Variants in TRPM6 observed in about 807,000 individuals in gnomAD.
TRPM6 encodes transient receptor potential cation channel subfamily M member 6.
Under a neutral mutation model 247.6 loss-of-function variants are expected in TRPM6, and 111 were observed. The observed-to-expected ratio is 0.45, with a 90% CI of 0.38 to 0.52. The LOEUF (loss-of-function observed/expected upper bound fraction) is 0.52, where lower values mean the gene tolerates loss of function less well. Among genes scored for constraint, TRPM6 ranks in the 20% least tolerant of loss-of-function variants. The pLI, the probability that TRPM6 is intolerant of heterozygous loss-of-function variation, is 0.00. For missense variants in TRPM6, 2,126 were observed against 2,421.5 expected, an observed-to-expected ratio of 0.88 and a Z score of 2.56; for synonymous variants, 892 against 853.8, an observed-to-expected ratio of 1.04 and a Z score of -0.78.
chr9:74,800,062 C>T (rs909917706), intron 17 of TRPM6, 192 bp downstream of exon 17: 4 of 623,886 alleles, frequency 6.4e-6, no homozygotes, highest in Non-Finnish European at 1.1e-5. Flanking sequence ...CGACCATCCC[C>T]GATAGAGGAA....
chr9:74,811,600 A>C (rs1828731180), intron 12 of TRPM6, among the ~76,000 whole-genome samples: 1 of 152,232 alleles, frequency 6.6e-6, no homozygotes, highest in Non-Finnish European at 1.5e-5. Flanking sequence ...AACTCAATAA[A>C]AGGTAATTTG....
At chr9:74,727,524 C>T (rs1825372814) in intron 38 of TRPM6, among the ~76,000 whole-genome samples, 1 of 151,890 alleles carries the variant, frequency 6.6e-6, no homozygotes, top group Admixed American at 6.6e-5. Context: ...AGAAGAGCTA[C>T]TCAGCTTAAG....
At chr9:74,839,066 C>T (rs531953178) in intron 5 of TRPM6, among the ~76,000 whole-genome samples, 11 of 147,252 alleles carry the variant, frequency 7.5e-5, no homozygotes, top group Admixed American at 2.1e-4. Flanking sequence ...GCCAAGACTG[C>T]ACCATTGCAC....
At chr9:74,817,749 G>GA (rs374589533) in intron 9 of TRPM6, among the ~76,000 whole-genome samples, 1 of 148,592 alleles carries the variant, frequency 6.7e-6, no homozygotes, top group African/African-American at 2.5e-5. Flanking sequence ...AAGGGGGGGG[G>GA]AGTCACCTGT....
chr9:74,872,119 C>T (rs1457257549), intron 1 of TRPM6, among the ~76,000 whole-genome samples: 1 of 151,898 alleles, frequency 6.6e-6, no homozygotes, highest in Non-Finnish European at 1.5e-5. Flanking sequence ...TCCTAAAGTG[C>T]TAGGATTACA....
intron 1 of TRPM6, among the ~76,000 whole-genome samples, chr9:74,872,467 G>A (rs1831055453): frequency 6.6e-6 from 1 of 151,716 alleles, no homozygotes; most frequent in East Asian, 2.0e-4. Flanking sequence ...TCTCATTCCT[G>A]TGCCCAAGCT....
intron 14 of TRPM6, among the ~76,000 whole-genome samples, chr9:74,806,921 A>C (rs949551344): frequency 6.6e-6 from 1 of 152,208 alleles, no homozygotes; most frequent in Non-Finnish European, 1.5e-5. Flanking sequence ...ATTTAAAGAA[A>C]GGGCACTAAG....
intron 7 of TRPM6, among the ~76,000 whole-genome samples, chr9:74,824,437 C>T (rs1829254796): frequency 7.1e-6 from 1 of 140,690 alleles, no homozygotes; most frequent in African/African-American, 2.6e-5. Context: ...CAGGGGTGAG[C>T]CACCACACCT....
At chr9:74,843,943 G>A (rs1442648836) in intron 3 of TRPM6, among the ~76,000 whole-genome samples, 1 of 152,040 alleles carries the variant, frequency 6.6e-6, no homozygotes, top group Non-Finnish European at 1.5e-5. Flanking sequence ...TTCCATAAGA[G>A]CTCTTGGGTG....
chr9:74,768,632 A>T (rs2118869954), intron 25 of TRPM6, among the ~76,000 whole-genome samples: 1 of 152,284 alleles, frequency 6.6e-6, no homozygotes, highest in African/African-American at 2.4e-5. Context: ...TTAGCTCCAC[A>T]TCTGATCCTT....
Position 74,782,480 on chromosome 9 carries a change from C to A in TRPM6, c.3095-4G>T, listed in dbSNP as rs2118926550. 2 of 1,607,330 alleles carry A rather than the reference C, an allele frequency of 1.2e-6. No homozygotes were observed. The highest frequency in any genetic ancestry group is 1.1e-5 in the South Asian group (1 of 90,818). On this transcript the variant is annotated splice_polypyrimidine_tract_variant and splice_region_variant and intron_variant, in intron 22 of 38. Coordinates refer to ENST00000360774, the MANE Select transcript of TRPM6 (RefSeq NM_017662.5). ...CAGGATGGCTGGCTTGAACAAACTA[C>A]AAATAAAGAATTTTAAAAGAATGAA...
intron 23 of TRPM6, among the ~76,000 whole-genome samples, chr9:74,780,165 C>T (rs1403660404): frequency 7.8e-6 from 1 of 128,336 alleles, no homozygotes; most frequent in Non-Finnish European, 1.7e-5. Flanking sequence ...GAGAGAGACT[C>T]AAAAAAAAAA....
chr9:74,770,194 G>A (rs1383426147), intron 25 of TRPM6, among the ~76,000 whole-genome samples: 1 of 152,024 alleles, frequency 6.6e-6, no homozygotes, highest in Non-Finnish European at 1.5e-5. Flanking sequence ...TATGCCCATA[G>A]TGAACCATTT....
intron 7 of TRPM6, among the ~76,000 whole-genome samples, chr9:74,824,853 G>T (rs1829272225): frequency 6.6e-6 from 1 of 151,912 alleles, no homozygotes; most frequent in Non-Finnish European, 1.5e-5. Flanking sequence ...TGAAAGCCAG[G>T]GATTCCTACA....
At chr9:74,840,309 C>G in intron 4 of TRPM6, 72 bp from the exon 5 acceptor site, 1 of 1,103,722 alleles carries the variant, frequency 9.1e-7, no homozygotes, top group Non-Finnish European at 1.4e-6. Flanking sequence ...ACAATGAGCA[C>G]ACAGCAGGGC....
In TRPM6 at chr9:74,858,785, T is replaced by C. The variant is rs202129172; in HGVS notation, c.34-37A>G. Reference sequence around the variant, plus strand: ...GTGTCATTATTTTATACTCTAATTATGTGACAAAACAATGTAACCATAGTA... The same window carrying C: ...GTGTCATTATTTTATACTCTAATTACGTGACAAAACAATGTAACCATAGTA... On this transcript the variant is annotated intron_variant, in intron 1 of 38. Coordinates refer to ENST00000360774, the MANE Select transcript of TRPM6 (RefSeq NM_017662.5). 127 of 1,504,392 alleles carry C rather than the reference T, an allele frequency of 8.4e-5. No individual in the cohort carries two copies. In the African/African-American group the frequency reaches 1.6e-3, roughly 19 times the overall value. The allele number at this position is 1,504,392 out of a possible 1,614,324, so 93.2% of individuals were successfully genotyped here. A position where few individuals can be genotyped will look rare whatever the true frequency, so the allele number is the denominator to read the frequency against.
chr9:74,754,155 G>A (rs980912316), intron 28 of TRPM6, among the ~76,000 whole-genome samples: 4 of 151,800 alleles, frequency 2.6e-5, no homozygotes, highest in African/African-American at 9.7e-5. Flanking sequence ...CTTTAGGTGT[G>A]GGATTTAATT....
chr9:74,749,124 T>C (rs1403357213), intron 30 of TRPM6, among the ~76,000 whole-genome samples: 2 of 152,170 alleles, frequency 1.3e-5, no homozygotes, highest in Non-Finnish European at 2.9e-5. Flanking sequence ...CCTAGGTGTG[T>C]AGTAGGTTAG....
chr9:74,724,524 A>G lies in TRPM6; in HGVS notation c.*89T>C. 6.3e-7 allele frequency: 1 copy of G among 1,577,760 alleles called. No individual in the cohort carries two copies. The highest frequency in any genetic ancestry group is 1.1e-5 in the South Asian group (1 of 90,208). ...GAAGGCGTGTCCCAAGGAGACGCTGATGTAATCAACATCACGTTGATCAAT... is the reference window on the plus strand; with the variant it reads ...GAAGGCGTGTCCCAAGGAGACGCTGGTGTAATCAACATCACGTTGATCAAT... On this transcript the variant is annotated 3_prime_UTR_variant, in exon 39 of 39. Coordinates refer to ENST00000360774, the MANE Select transcript of TRPM6 (RefSeq NM_017662.5).
Sources: allele counts gnomAD v4.1 joint callset (sites outside exome capture counted in the v4.1 genomes callset), GRCh38; gene constraint gnomAD v4.1.1; transcripts MANE v1.5; gene names NCBI Gene and HGNC (gene_info 2026-07-23, HGNC 2026-07-21).